Variants in CASQ2 observed in about 807,000 individuals in gnomAD.
The protein encoded by CASQ2 is calsequestrin 2, also known as calsequestrin-2.
Under a neutral mutation model 46.5 loss-of-function variants are expected in CASQ2, and 49 were observed. The ratio of observed to expected loss-of-function variants is 1.05; its 90% CI spans 0.84 to 1.34. The LOEUF is 1.34. Ranked by LOEUF, CASQ2 falls within the 40% of genes most tolerant of loss-of-function variation. The pLI is 0.00. For synonymous variants in CASQ2, 174 were observed against 168.5 expected (o/e 1.03, Z -0.25); for missense variants, 486 against 481.3 (o/e 1.01, Z -0.09).
In CASQ2 at chr1:115,757,505, A is replaced by C. The variant is rs559525901; in HGVS notation, c.234+10803T>G. Among the ~76,000 whole-genome samples the C allele has an allele frequency of 2.6e-5, 4 of 152,284 alleles. No homozygotes were observed. In the East Asian group the frequency reaches 7.7e-4, roughly 29 times the overall value. ...ATACCTGAATCCTGTGTGTGTTGCTATTCCCTCCCCAGCGTTTCCACGCAG... is the reference window on the plus strand; with the variant it reads ...ATACCTGAATCCTGTGTGTGTTGCTCTTCCCTCCCCAGCGTTTCCACGCAG... On this transcript the variant is annotated intron_variant, in intron 1 of 10. Coordinates refer to ENST00000261448, the MANE Select transcript of CASQ2 (RefSeq NM_001232.4).
chr1:115,766,051 A>G (rs1319884196), intron 1 of CASQ2, among the ~76,000 whole-genome samples: 3 of 152,236 alleles, frequency 2.0e-5, no homozygotes, highest in Non-Finnish European at 1.5e-5. Flanking sequence ...CCCCTTCCTC[A>G]ACCTTCACTA....
chr1:115,706,071 C>T (rs1654349623), intron 8 of CASQ2, among the ~76,000 whole-genome samples: 1 of 152,144 alleles, frequency 6.6e-6, no homozygotes, highest in Non-Finnish European at 1.5e-5. Flanking sequence ...CACTCCCCAG[C>T]CCCCAGCTAG....
intron 1 of CASQ2, among the ~76,000 whole-genome samples, chr1:115,748,989 G>A (rs899181155): frequency 1.3e-5 from 2 of 152,114 alleles, no homozygotes; most frequent in East Asian, 1.9e-4. Flanking sequence ...AGGAATCTAC[G>A]TTTTTATAAA....
At chr1:115,752,262 AC>A (rs1648608681) in intron 1 of CASQ2, among the ~76,000 whole-genome samples, 1 of 152,160 alleles carries the variant, frequency 6.6e-6, no homozygotes, top group African/African-American at 2.4e-5. Context: ...TTCCTTTGCA[AC>A]CATTTCACAG....
chr1:115,751,335 A>T (rs542094453), intron 1 of CASQ2, among the ~76,000 whole-genome samples: 1 of 152,140 alleles, frequency 6.6e-6, no homozygotes, highest in Non-Finnish European at 1.5e-5. Flanking sequence ...GTCAGCTCCA[A>T]GGGCCTTGTG....
chr1:115,733,977 G>A (rs1291979845), intron 4 of CASQ2, among the ~76,000 whole-genome samples: 1 of 152,174 alleles, frequency 6.6e-6, no homozygotes, highest in Non-Finnish European at 1.5e-5. Context: ...TCTCAGCCTA[G>A]AGAGAGCTAT....
At position 115,705,364 on chromosome 1, in the gene CASQ2, A is replaced by AT. The variant is rs1241222987; in HGVS notation, c.839-73dup. 17 of 979,612 alleles carry AT rather than the reference A, an allele frequency of 1.7e-5. No homozygotes were observed. The South Asian group carries it at 2.1e-4, about 12-fold the overall frequency. 60.7% of individuals were successfully genotyped at this position (979,612 alleles called of 1,614,324 possible). A position where few individuals can be genotyped will look rare whatever the true frequency, so the allele number is the denominator to read the frequency against. On this transcript the variant is annotated intron_variant, in intron 8 of 10. Transcript: ENST00000261448. Reference sequence around the variant, plus strand: ...CTTCTAATGTGGAGAGCAGAGTGTGATTTTTCCACGAGGACTTCTTAGGAC... The same window carrying AT: ...CTTCTAATGTGGAGAGCAGAGTGTGATTTTTTCCACGAGGACTTCTTAGGAC...
chr1:115,709,768 CA>C (rs1654484445), intron 8 of CASQ2, among the ~76,000 whole-genome samples: 1 of 152,198 alleles, frequency 6.6e-6, no homozygotes, highest in Non-Finnish European at 1.5e-5. Context: ...CTTATCCTTG[CA>C]TCCAATTGAA....
At chr1:115,743,246 T>C (rs921498102) in intron 2 of CASQ2, among the ~76,000 whole-genome samples, 21 of 151,870 alleles carry the variant, frequency 1.4e-4, no homozygotes, top group Non-Finnish European at 2.9e-4. Flanking sequence ...CATTCATTCA[T>C]TTATTTTGAG....
In CASQ2 at chr1:115,734,486, G is replaced by A. The variant is rs538464523; in HGVS notation, c.533-1512C>T. On this transcript the variant is annotated intron_variant, in intron 4 of 10. Transcript: ENST00000261448. Reference sequence around the variant, plus strand: ...AATGGAGCAAGGTGACCTCCAGATGGGTGATTCAAAATGTGGCTTGACCTT... The same window carrying A: ...AATGGAGCAAGGTGACCTCCAGATGAGTGATTCAAAATGTGGCTTGACCTT... 2.6e-5 allele frequency among the ~76,000 whole-genome samples: 4 copies of A among 152,276 alleles called. No individual in the cohort carries two copies. The South Asian group carries it at 8.3e-4, about 32-fold the overall frequency.
rs1475587151 is a variant in CASQ2 at position 115,717,469 on chromosome 1, C to G, written c.838+371G>C. On this transcript the variant is annotated intron_variant, in intron 8 of 10. Transcript: ENST00000261448. The stretch of plus-strand genomic sequence containing the variant: ...ACCTTCCATGATCCTCTTAAAAACC[C>G]TTGCCCAGAACCCCTTGAAGAATTG... Among the ~76,000 whole-genome samples the G allele has an allele frequency of 2.6e-5, 4 of 152,306 alleles. No homozygotes were observed. In the East Asian group the frequency reaches 5.8e-4, roughly 22 times the overall value.
Position 115,705,251 on chromosome 1 carries a change from C to T in CASQ2, c.880G>A (p.Asp294Asn). ...CTCAGATCGGGGTTGTCAGTATTGTCCCGGGCAACCTGTTTCAGGATCTCC... is the reference window on the plus strand; with the variant it reads ...CTCAGATCGGGGTTGTCAGTATTGTTCCGGGCAACCTGTTTCAGGATCTCC... The part of the protein sequence containing the change: ...FLEILKQVAR[D>N]NTDNPDLSIL... The change falls in exon 9 of 11, where the codon GAC (aspartate) becomes AAC (asparagine). Residue 294 changes from aspartate to asparagine, a missense_variant. Coordinates refer to ENST00000261448, the MANE Select transcript of CASQ2 (RefSeq NM_001232.4). 6.2e-7 allele frequency: 1 copy of T among 1,614,058 alleles called. No individual in the cohort carries two copies.
At chr1:115,705,969 C>T (rs12031293) in intron 8 of CASQ2, among the ~76,000 whole-genome samples, 59,077 of 151,906 alleles carry the variant, frequency 0.39, 12,684 homozygotes, top group African/African-American at 0.56. Flanking sequence ...AAAGCCTAAA[C>T]CTTGAAGGAC....
intron 7 of CASQ2, among the ~76,000 whole-genome samples, chr1:115,722,387 T>C (rs1647412345): frequency 6.6e-6 from 1 of 152,202 alleles, no homozygotes; most frequent in Non-Finnish European, 1.5e-5. Context: ...TGAGTTCCAA[T>C]GAAACCAGAC....
intron 5 of CASQ2, among the ~76,000 whole-genome samples, chr1:115,728,976 A>G (rs1027836652): frequency 6.7e-6 from 1 of 148,824 alleles, no homozygotes; most frequent in African/African-American, 2.5e-5. Context: ...TTCACTGTCT[A>G]CCTACCACCA....
chr1:115,759,175 A>C (rs1570856540), intron 1 of CASQ2, among the ~76,000 whole-genome samples: 1 of 152,190 alleles, frequency 6.6e-6, no homozygotes, highest in Non-Finnish European at 1.5e-5. Context: ...CATCTTTGTA[A>C]GTGCTATGAT....
chr1:115,724,230 T>A (rs1040382317), intron 7 of CASQ2, among the ~76,000 whole-genome samples: 1 of 152,242 alleles, frequency 6.6e-6, no homozygotes, highest in Non-Finnish European at 1.5e-5. Context: ...TTTAGTTATG[T>A]GTCTTTTAGT....
chr1:115,714,372 C>A (rs969597188), intron 8 of CASQ2, among the ~76,000 whole-genome samples: 2 of 152,168 alleles, frequency 1.3e-5, no homozygotes, highest in African/African-American at 4.8e-5. Context: ...CTCTAAAACT[C>A]ACGTTCCTCA....
intron 2 of CASQ2, among the ~76,000 whole-genome samples, chr1:115,742,569 C>T (rs1233721777): frequency 6.6e-6 from 1 of 152,154 alleles, no homozygotes; most frequent in Non-Finnish European, 1.5e-5. Context: ...GTATCAAGCG[C>T]CATCATATTC....
Sources: allele counts gnomAD v4.1 joint callset (sites outside exome capture counted in the v4.1 genomes callset), GRCh38; gene constraint gnomAD v4.1.1; transcripts MANE v1.5; gene names NCBI Gene and HGNC (gene_info 2026-07-23, HGNC 2026-07-21).